The following LINGO2 variants were observed in gnomAD, a reference collection of about 807,000 sequenced individuals.
LINGO2 encodes the protein leucine rich repeat and Ig domain containing 2.
A neutral mutation model predicts 30.6 loss-of-function variants in LINGO2; 14 were observed. The ratio of observed to expected loss-of-function variants is 0.46; its 90% CI spans 0.30 to 0.72. The LOEUF (loss-of-function observed/expected upper bound fraction) is 0.72. LINGO2 is among the 30% of genes least tolerant of loss of function. The pLI is 0.07. For synonymous variants in LINGO2, 317 were observed against 288.5 expected, an observed-to-expected ratio of 1.10 and a Z score of -1.00; for missense variants, 729 against 751.7, an observed-to-expected ratio of 0.97 and a Z score of 0.35.
intron 1 of LINGO2, among the ~76,000 whole-genome samples, chr9:28,521,403 C>T (rs1178836322): frequency 1.3e-5 from 2 of 152,082 alleles, no homozygotes; most frequent in Non-Finnish European, 2.9e-5. Flanking sequence ...CAATGCCAAA[C>T]CTAGAAATAG....
chr9:28,826,064 T>C, the LINGO2 span, among the ~76,000 whole-genome samples: 4 of 152,152 alleles, frequency 2.6e-5, no homozygotes, highest in South Asian at 2.1e-4. Flanking sequence ...GAACAAACTT[T>C]GGGCAAGTCA....
At chr9:29,170,305 G>A in the LINGO2 span, among the ~76,000 whole-genome samples, 13 of 152,040 alleles carry the variant, frequency 8.6e-5, no homozygotes, top group Non-Finnish European at 4.4e-5. Context: ...GCAGCAACAC[G>A]AATGGAACCA....
intron 4 of LINGO2, among the ~76,000 whole-genome samples, chr9:28,045,466 A>T (rs1824377934): frequency 6.6e-6 from 1 of 152,180 alleles, no homozygotes; most frequent in African/African-American, 2.4e-5. Context: ...GTGTAATTTG[A>T]CTCTAATGCA....
chr9:28,638,780 T>G (rs1394521784), intron 1 of LINGO2, among the ~76,000 whole-genome samples: 1 of 152,182 alleles, frequency 6.6e-6, no homozygotes, highest in Non-Finnish European at 1.5e-5. Flanking sequence ...GCTCCTGGAT[T>G]CATTGATTTT....
chr9:28,262,428 T>C (rs1320543976), intron 4 of LINGO2, among the ~76,000 whole-genome samples: 8 of 151,864 alleles, frequency 5.3e-5, no homozygotes, highest in Non-Finnish European at 7.4e-5. Context: ...TTCCAGCTGG[T>C]ATTTTAAAAT....
At chr9:28,404,049 T>C (rs1330761969) in intron 2 of LINGO2, among the ~76,000 whole-genome samples, 1 of 152,124 alleles carries the variant, frequency 6.6e-6, no homozygotes, top group African/African-American at 2.4e-5. Flanking sequence ...TAAGCCAAAA[T>C]CTTTTCCCCT....
chr9:29,107,749 T>C, the LINGO2 span, among the ~76,000 whole-genome samples: 1 of 152,116 alleles, frequency 6.6e-6, no homozygotes, highest in Non-Finnish European at 1.5e-5. Flanking sequence ...TCATCTCAAG[T>C]ATCCAGCTAT....
At chr9:28,149,398 T>C (rs117342002) in intron 4 of LINGO2, among the ~76,000 whole-genome samples, 4,576 of 151,094 alleles carry the variant, frequency 0.03, 106 homozygotes, top group Non-Finnish European at 0.049. Flanking sequence ...CTCCACCGTC[T>C]GGGAAGTAAG....
the LINGO2 span, among the ~76,000 whole-genome samples, chr9:29,174,398 A>G: frequency 3.3e-5 from 5 of 152,214 alleles, no homozygotes; most frequent in South Asian, 2.1e-4. Context: ...GAACAGAGTA[A>G]AATATACTTG....
At chr9:29,125,801 T>C in the LINGO2 span, among the ~76,000 whole-genome samples, 1 of 152,234 alleles carries the variant, frequency 6.6e-6, no homozygotes, top group Non-Finnish European at 1.5e-5. Flanking sequence ...CTCATGAACA[T>C]ATGGTTTGTT....
intron 2 of LINGO2, among the ~76,000 whole-genome samples, chr9:28,433,949 C>CTCTCTCTCTATATATATATA (rs1225323260): frequency 1.2e-4 from 11 of 88,546 alleles, no homozygotes; most frequent in African/African-American, 4.9e-4. Flanking sequence ...CTCTCTCTCT[C>CTCTCTCTCTATATATATATA]TATATATATA....
the LINGO2 span, among the ~76,000 whole-genome samples, chr9:28,940,535 G>A: frequency 6.6e-6 from 1 of 151,874 alleles, no homozygotes; most frequent in South Asian, 2.1e-4. Context: ...ACACCTTGAG[G>A]TTTATTTGTT....
chr9:28,268,364 G>C (rs1822826986), intron 4 of LINGO2, among the ~76,000 whole-genome samples: 1 of 152,074 alleles, frequency 6.6e-6, no homozygotes, highest in Non-Finnish European at 1.5e-5. Context: ...TTATAAGGCA[G>C]ACACTCAGGG....
the LINGO2 span, among the ~76,000 whole-genome samples, chr9:29,146,582 T>C: frequency 1.3e-5 from 2 of 152,294 alleles, no homozygotes; most frequent in Admixed American, 6.5e-5. Context: ...GAAGAAACCA[T>C]GTAAGAAACT....
At chr9:28,642,248 A>T (rs767208046) in intron 1 of LINGO2, among the ~76,000 whole-genome samples, 3 of 151,830 alleles carry the variant, frequency 2.0e-5, no homozygotes, top group Admixed American at 1.3e-4. Flanking sequence ...TCCTTAAAAA[A>T]CCCCAAATTT....
chr9:28,263,543 C>A (rs562475000), intron 4 of LINGO2, among the ~76,000 whole-genome samples: 26 of 152,048 alleles, frequency 1.7e-4, no homozygotes, highest in African/African-American at 6.0e-4. Flanking sequence ...AATAATATCA[C>A]TTTCTATTTA....
At chr9:28,418,444 A>C (rs962556236) in intron 2 of LINGO2, among the ~76,000 whole-genome samples, 13 of 151,712 alleles carry the variant, frequency 8.6e-5, no homozygotes, top group African/African-American at 2.7e-4. Context: ...ACGCCAGGCT[A>C]ATTTTTGCAT....
chr9:28,719,425 C>T, the LINGO2 span, among the ~76,000 whole-genome samples: 157 of 152,086 alleles, frequency 1.0e-3, 1 homozygote, highest in Middle Eastern at 3.4e-3. Flanking sequence ...CACATTGTCT[C>T]CCTGTAATCT....
the LINGO2 span, among the ~76,000 whole-genome samples, chr9:29,099,678 T>C: frequency 6.6e-6 from 1 of 152,024 alleles, no homozygotes. Flanking sequence ...CAAACTAAAA[T>C]GAGATATCAT....
Sources: allele counts gnomAD v4.1 joint callset (sites outside exome capture counted in the v4.1 genomes callset), GRCh38; gene constraint gnomAD v4.1.1; transcripts MANE v1.5; gene names NCBI Gene and HGNC (gene_info 2026-07-23, HGNC 2026-07-21).